OPRM1: variants seen among roughly 807,000 people sequenced by gnomAD.
OPRM1 encodes opioid receptor mu 1, also known as mu-type opioid receptor.
Under a neutral mutation model 31.8 loss-of-function variants are expected in OPRM1, and 27 were observed. That is an observed-to-expected ratio of 0.85 (90% CI 0.63 to 1.17). The LOEUF (loss-of-function observed/expected upper bound fraction) is 1.17. OPRM1 is among the 50% of genes most tolerant of loss of function. The probability of loss-of-function intolerance (pLI) is 0.00; values close to 1 mark genes in which losing one functional copy is unlikely to be tolerated. For synonymous variants in OPRM1, 196 were observed against 189.9 expected (o/e 1.03, Z -0.26); for missense variants, 536 against 511.1 (o/e 1.05, Z -0.47).
rs117496248 is a variant in OPRM1, at chr6:154,194,946, C to T, written c.1165-51747C>T. On this transcript the variant is annotated intron_variant, in intron 3 of 3. Coordinates refer to the OPRM1 transcript ENST00000337049. Reference sequence around the variant, plus strand: ...AGATTACTAGGTAATGTTCTAGGAACAAAATTAAGTGCTGAGGATACAAAG... The same window carrying T: ...AGATTACTAGGTAATGTTCTAGGAATAAAATTAAGTGCTGAGGATACAAAG... Among the ~76,000 whole-genome samples, 1,263 of 152,114 alleles carry T rather than the reference C, an allele frequency of 8.3e-3. 12 individuals carry two copies. Among genetic ancestry groups the T allele is most frequent in the Middle Eastern group, 0.024 (7 of 294 alleles).
chr6:154,167,961 C>A, intron 3 of OPRM1: 1 of 1,603,928 alleles, frequency 6.2e-7, no homozygotes, highest in Non-Finnish European at 8.5e-7. Flanking sequence ...TGGAGTTTCT[C>A]GTTTATAGAT....
intron 1 of OPRM1, among the ~76,000 whole-genome samples, chr6:154,056,959 T>C (rs896847992): frequency 6.6e-6 from 1 of 152,206 alleles, no homozygotes; most frequent in Admixed American, 6.5e-5. Context: ...CTGAAATTGG[T>C]AGTCCTATTA....
intron 1 of OPRM1, among the ~76,000 whole-genome samples, chr6:154,075,227 C>G (rs1421326522): frequency 6.6e-6 from 1 of 152,124 alleles, no homozygotes; most frequent in East Asian, 1.9e-4. Flanking sequence ...CAAACTAGCT[C>G]TCTTAGAGGT....
chr6:154,184,066 C>A (rs1801128790), intron 3 of OPRM1, among the ~76,000 whole-genome samples: 1 of 152,054 alleles, frequency 6.6e-6, no homozygotes, highest in Non-Finnish European at 1.5e-5. Context: ...CATTTTATAG[C>A]TGAAAGCTGG....
intron 3 of OPRM1, among the ~76,000 whole-genome samples, chr6:154,186,231 A>C (rs1363918190): frequency 6.6e-6 from 1 of 152,232 alleles, no homozygotes; most frequent in East Asian, 1.9e-4. Flanking sequence ...ATTCAACTTC[A>C]AATTCTTGAT....
intron 3 of OPRM1, among the ~76,000 whole-genome samples, chr6:154,160,776 T>C (rs1228006590): frequency 6.6e-6 from 1 of 152,192 alleles, no homozygotes; most frequent in Non-Finnish European, 1.5e-5. Context: ...GACAATTGTA[T>C]CTCAAATCTA....
chr6:154,141,688 C>T (rs932085060), intron 3 of OPRM1, among the ~76,000 whole-genome samples: 4 of 152,198 alleles, frequency 2.6e-5, no homozygotes, highest in Non-Finnish European at 2.9e-5. Context: ...CAGGACAACG[C>T]GAAGCGGGCA....
At chr6:154,059,434 T>A (rs781071176) in intron 1 of OPRM1, among the ~76,000 whole-genome samples, 5 of 152,186 alleles carry the variant, frequency 3.3e-5, no homozygotes, top group Non-Finnish European at 7.4e-5. Flanking sequence ...GTGCTAATAA[T>A]TCCTATCAGG....
intron 3 of OPRM1, chr6:154,110,286 C>G: frequency 3.8e-6 from 3 of 790,932 alleles, no homozygotes; most frequent in Non-Finnish European, 6.3e-6. Context: ...TTGAATTAAA[C>G]TATACATTGC....
At chr6:154,090,240 T>C (rs1791767573) in intron 2 of OPRM1, 62 bp downstream of exon 2, 1 of 1,094,706 alleles carries the variant, frequency 9.1e-7, no homozygotes, top group Admixed American at 1.8e-5. Flanking sequence ...GGTGATGTCA[T>C]AAGCAAAGCA....
intron 3 of OPRM1, among the ~76,000 whole-genome samples, chr6:154,095,246 G>A (rs953601522): frequency 1.7e-4 from 26 of 152,176 alleles, no homozygotes; most frequent in African/African-American, 5.8e-4. Context: ...AGCCCAGGTC[G>A]TGCCATTGCA....
chr6:154,150,366 G>A (rs574169989), intron 3 of OPRM1, among the ~76,000 whole-genome samples: 15 of 152,316 alleles, frequency 9.8e-5, no homozygotes, highest in African/African-American at 3.6e-4. Flanking sequence ...CCTGGTTCCT[G>A]CCAGTGAGTC....
intron 3 of OPRM1, among the ~76,000 whole-genome samples, chr6:154,152,294 G>GA (rs1798525666): frequency 4.1e-5 from 3 of 72,858 alleles, no homozygotes; most frequent in African/African-American, 5.4e-5. Flanking sequence ...AAAAGGAAGA[G>GA]AGAAGAAAGA....
At chr6:154,152,137 A>C (rs1292817357) in intron 3 of OPRM1, among the ~76,000 whole-genome samples, 1 of 146,494 alleles carries the variant, frequency 6.8e-6, no homozygotes, top group Non-Finnish European at 1.5e-5. Flanking sequence ...AGATCGCGCC[A>C]CTGCACTCCA....
intron 3 of OPRM1, chr6:154,212,833 C>T (rs748973860): frequency 5.0e-6 from 8 of 1,612,958 alleles, no homozygotes; most frequent in South Asian, 1.1e-5. Context: ...CTGGATCTTC[C>T]TGTTCACTTT....
chr6:154,189,614 G>A (rs1167236853), intron 3 of OPRM1, among the ~76,000 whole-genome samples: 1 of 152,198 alleles, frequency 6.6e-6, no homozygotes, highest in African/African-American at 2.4e-5. Flanking sequence ...TTAAAGTGAT[G>A]GATATGGTAT....
At chr6:154,139,328 C>T (rs1477811977) in intron 3 of OPRM1, among the ~76,000 whole-genome samples, 1 of 152,090 alleles carries the variant, frequency 6.6e-6, no homozygotes, top group Non-Finnish European at 1.5e-5. Context: ...AAGATGTGTA[C>T]CAAACATTGG....
At chr6:154,195,634 G>A (rs1444891406) in intron 3 of OPRM1, among the ~76,000 whole-genome samples, 1 of 151,908 alleles carries the variant, frequency 6.6e-6, no homozygotes, top group Non-Finnish European at 1.5e-5. Context: ...ATCTTGTCTT[G>A]GGTCCCTGCT....
chr6:154,092,684 C>T (rs1284232826), intron 3 of OPRM1, among the ~76,000 whole-genome samples: 8 of 152,164 alleles, frequency 5.3e-5, no homozygotes, highest in Admixed American at 5.2e-4. Context: ...TCCAGCCCAG[C>T]CCAGGCTCAA....
Sources: allele counts gnomAD v4.1 joint callset (sites outside exome capture counted in the v4.1 genomes callset), GRCh38; gene constraint gnomAD v4.1.1; transcripts MANE v1.5; gene names NCBI Gene and HGNC (gene_info 2026-07-23, HGNC 2026-07-21).